Variants in PRORP observed in about 807,000 individuals in gnomAD.
PRORP encodes the protein mitochondrial ribonuclease P catalytic subunit.
Under a neutral mutation model 59.4 loss-of-function variants are expected in PRORP, and 51 were observed. The observed-to-expected ratio is 0.86, with a 90% confidence interval of 0.69 to 1.08. The LOEUF (loss-of-function observed/expected upper bound fraction) is 1.08, where lower values mean the gene tolerates loss of function less well. Among genes scored for constraint, PRORP ranks in the 50% least tolerant of loss-of-function variants. The probability of loss-of-function intolerance (pLI) is 0.00; values close to 1 mark genes in which losing one functional copy is unlikely to be tolerated. For missense variants in PRORP, 646 were observed against 690.3 expected, an observed-to-expected ratio of 0.94 and a Z score of 0.72; for synonymous variants, 231 against 245.6, an observed-to-expected ratio of 0.94 and a Z score of 0.55.
At chr14:35,152,642 C>G (rs1317536507) in intron 4 of PRORP, among the ~76,000 whole-genome samples, 1 of 151,728 alleles carries the variant, frequency 6.6e-6, no homozygotes, top group South Asian at 2.1e-4. Flanking sequence ...GACAGGGCGG[C>G]TGCCTGGCGG....
intron 5 of PRORP, among the ~76,000 whole-genome samples, chr14:35,214,078 C>T (rs2049523201): frequency 6.6e-6 from 1 of 152,202 alleles, no homozygotes; most frequent in Non-Finnish European, 1.5e-5. Flanking sequence ...AAAAGCCACA[C>T]ATTCTTTATT....
At position 35,273,492 on chromosome 14, in the gene PRORP, TATGATGA is replaced by T. The variant is rs781384092; in HGVS notation, c.1680_1686del (p.Tyr560Ter). 3 of 1,613,616 alleles carry T rather than the reference TATGATGA, an allele frequency of 1.9e-6. No homozygotes were observed. The Admixed American group carries it at 5.0e-5, about 27-fold the overall frequency. ...AACTGGAGACTCGTGGCACATACCA[TATGATGA>T]AGACTTGGTAGAAAGATGTTCCTGT... On this transcript the variant is annotated frameshift_variant, in exon 8 of 8. Coordinates refer to ENST00000534898, the MANE Select transcript of PRORP (RefSeq NM_014672.4). LOFTEE classifies it high-confidence loss of function.
intron 5 of PRORP, among the ~76,000 whole-genome samples, chr14:35,265,724 A>G (rs1375794312): frequency 6.6e-6 from 1 of 152,236 alleles, no homozygotes; most frequent in Non-Finnish European, 1.5e-5. Flanking sequence ...AGAAGCTTTT[A>G]TTCAAATCAA....
chr14:35,251,054 T>C (rs560169050), intron 5 of PRORP, among the ~76,000 whole-genome samples: 19 of 152,302 alleles, frequency 1.2e-4, no homozygotes, highest in African/African-American at 4.3e-4. Flanking sequence ...CAGAGTCCAT[T>C]GTGTCATTCT....
At chr14:35,254,446 G>A (rs1023108632) in intron 5 of PRORP, among the ~76,000 whole-genome samples, 4 of 152,142 alleles carry the variant, frequency 2.6e-5, no homozygotes, top group Non-Finnish European at 1.5e-5. Flanking sequence ...AGGCTGGAGT[G>A]CAATGACGCA....
intron 5 of PRORP, among the ~76,000 whole-genome samples, chr14:35,263,794 G>T (rs941286172): frequency 6.6e-6 from 1 of 152,204 alleles, no homozygotes; most frequent in Non-Finnish European, 1.5e-5. Flanking sequence ...ACATAGAGAG[G>T]TCTAGGAAAT....
At position 35,123,996 on chromosome 14, in the gene PRORP, A is replaced by T; in HGVS notation, c.751A>T (p.Ile251Phe). 6.2e-7 allele frequency: 1 copy of T among 1,614,128 alleles called. No homozygotes were observed. The highest frequency in any genetic ancestry group is 2.2e-5 in the East Asian group (1 of 44,874). ...TTCAAAAAAGAACTATAATGACTGT[A>T]TCCAGGGAGCTCTCCTTCATCAAGA... ...TPSKKNYNDC[I>F]QGALLHQDVN... Residue 251 changes from isoleucine (I) to phenylalanine (F), a missense_variant, in exon 2 of 8, where the codon ATC becomes TTC. Transcript: ENST00000534898.
intron 4 of PRORP, chr14:35,144,126 G>T: frequency 6.6e-6 from 1 of 151,550 alleles, no homozygotes. Flanking sequence ...TGTTGATCGT[G>T]GTCATGTCAG....
intron 5 of PRORP, among the ~76,000 whole-genome samples, chr14:35,232,036 G>A (rs2050094282): frequency 6.6e-6 from 1 of 152,092 alleles, no homozygotes; most frequent in Non-Finnish European, 1.5e-5. Context: ...TTATACCATG[G>A]TAGCATATAA....
intron 4 of PRORP, among the ~76,000 whole-genome samples, chr14:35,180,205 A>G (rs570881897): frequency 3.9e-5 from 6 of 152,154 alleles, no homozygotes; most frequent in Admixed American, 1.3e-4. Flanking sequence ...TCAGATCTCA[A>G]ACTCCGTGCT....
intron 4 of PRORP, among the ~76,000 whole-genome samples, chr14:35,170,123 G>A (rs950632001): frequency 1.2e-4 from 18 of 151,978 alleles, no homozygotes; most frequent in Non-Finnish European, 2.2e-4. Flanking sequence ...ACCATTCCAA[G>A]TTTCTTAAGC....
chr14:35,215,617 G>C (rs955819275), intron 5 of PRORP, among the ~76,000 whole-genome samples: 1 of 152,120 alleles, frequency 6.6e-6, no homozygotes, highest in Non-Finnish European at 1.5e-5. Flanking sequence ...TCTGGGAATG[G>C]TGGCGTCTGC....
intron 4 of PRORP, among the ~76,000 whole-genome samples, chr14:35,159,775 C>T (rs530036583): frequency 4.6e-5 from 7 of 152,230 alleles, no homozygotes; most frequent in Admixed American, 6.5e-5. Flanking sequence ...CAGAAAAGTT[C>T]GGTAACTTGC....
intron 4 of PRORP, among the ~76,000 whole-genome samples, chr14:35,150,818 G>A (rs2047726164): frequency 6.6e-6 from 1 of 152,072 alleles, no homozygotes; most frequent in African/African-American, 2.4e-5. Flanking sequence ...ATCTGAGGGG[G>A]GTGCTCAAAT....
At chr14:35,239,277 G>A (rs1021799433) in intron 5 of PRORP, among the ~76,000 whole-genome samples, 1 of 151,746 alleles carries the variant, frequency 6.6e-6, no homozygotes, top group African/African-American at 2.4e-5. Flanking sequence ...AAAACCCAGA[G>A]GCGGAGGTTG....
chr14:35,131,296 G>A (rs765817497), intron 4 of PRORP, among the ~76,000 whole-genome samples: 10 of 152,078 alleles, frequency 6.6e-5, no homozygotes, highest in Non-Finnish European at 1.3e-4. Flanking sequence ...GGATAGGTCT[G>A]GTGTTGATGT....
At chr14:35,140,047 A>T (rs998095703) in intron 4 of PRORP, among the ~76,000 whole-genome samples, 1 of 145,142 alleles carries the variant, frequency 6.9e-6, no homozygotes, top group Admixed American at 7.2e-5. Flanking sequence ...GCCCACCCTA[A>T]TCTAGCATGA....
At chr14:35,156,222 A>T (rs1466748477) in intron 4 of PRORP, among the ~76,000 whole-genome samples, 1 of 152,184 alleles carries the variant, frequency 6.6e-6, no homozygotes, top group Non-Finnish European at 1.5e-5. Context: ...TAACTGGGAG[A>T]TGTGGAGTGT....
chr14:35,142,797 C>T lies in PRORP; in HGVS notation c.1167+15186C>T, dbSNP rs576011360. On this transcript the variant is annotated intron_variant, in intron 4 of 7. Coordinates refer to ENST00000534898, the MANE Select transcript of PRORP (RefSeq NM_014672.4). ...AGCTGAGGTTGCAGTGAGCTGAGAT[C>T]GCGCCACTGCATTCCAGCAGCCTAG... 2.8e-5 allele frequency among the ~76,000 whole-genome samples: 4 copies of T among 144,048 alleles called. No homozygotes were observed. In the South Asian group the frequency reaches 6.9e-4, roughly 25 times the overall value. 94.5% of individuals were successfully genotyped at this position (144,048 alleles called of 152,430 possible).
Sources: allele counts gnomAD v4.1 joint callset (sites outside exome capture counted in the v4.1 genomes callset), GRCh38; gene constraint gnomAD v4.1.1; transcripts MANE v1.5; gene names NCBI Gene and HGNC (gene_info 2026-07-23, HGNC 2026-07-21).